SUGCT: variants seen among roughly 807,000 people sequenced by gnomAD.
SUGCT encodes succinyl-CoA:glutarate-CoA transferase, also known as succinyl-CoA:glutarate CoA-transferase.
SUGCT carries 41 observed loss-of-function variants against 55.0 expected under a neutral mutation model. The observed-to-expected ratio is 0.74, with a 90% confidence interval of 0.58 to 0.97. The LOEUF (loss-of-function observed/expected upper bound fraction) is 0.97. SUGCT is among the 50% of genes least tolerant of loss of function. SUGCT has a pLI of 0.00. For missense variants in SUGCT, 568 were observed against 547.8 expected, an observed-to-expected ratio of 1.04 and a Z score of -0.37; for synonymous variants, 187 against 200.4, an observed-to-expected ratio of 0.93 and a Z score of 0.56.
intron 13 of SUGCT, among the ~76,000 whole-genome samples, chr7:40,764,059 A>G (rs1432353508): frequency 2.0e-5 from 3 of 152,162 alleles, no homozygotes; most frequent in Non-Finnish European, 4.4e-5. Context: ...AATAGGCTCA[A>G]TTAGAAAGTG....
intron 11 of SUGCT, among the ~76,000 whole-genome samples, chr7:40,465,719 C>A (rs1048537651): frequency 6.6e-6 from 1 of 151,980 alleles, no homozygotes; most frequent in South Asian, 2.1e-4. Context: ...AGAATTGGAC[C>A]TGGAACATTT....
the SUGCT span, among the ~76,000 whole-genome samples, chr7:41,011,545 C>A: frequency 8.5e-5 from 13 of 152,196 alleles, no homozygotes; most frequent in Non-Finnish European, 1.8e-4. Context: ...AGACCATACC[C>A]CAGACTTACT....
chr7:40,493,338 G>A (rs1562815595), intron 11 of SUGCT, among the ~76,000 whole-genome samples: 2 of 152,134 alleles, frequency 1.3e-5, no homozygotes, highest in South Asian at 2.1e-4. Flanking sequence ...CCAGCATTTC[G>A]TTGTCACTAA....
At chr7:40,229,243 G>A (rs2150852317) in intron 6 of SUGCT, among the ~76,000 whole-genome samples, 1 of 152,328 alleles carries the variant, frequency 6.6e-6, no homozygotes, top group South Asian at 2.1e-4. Flanking sequence ...TATGCGCTGG[G>A]TGCGGTGGCT....
intron 8 of SUGCT, among the ~76,000 whole-genome samples, chr7:40,302,286 C>A (rs1794584302): frequency 1.3e-5 from 2 of 152,130 alleles, no homozygotes; most frequent in South Asian, 2.1e-4. Context: ...TTTTTTGTCC[C>A]CTCCTTGGTT....
At chr7:40,464,964 T>A (rs1295851891) in intron 11 of SUGCT, among the ~76,000 whole-genome samples, 1 of 152,210 alleles carries the variant, frequency 6.6e-6, no homozygotes, top group Non-Finnish European at 1.5e-5. Flanking sequence ...GAGATGCAGT[T>A]GACAATTTTC....
intron 6 of SUGCT, among the ~76,000 whole-genome samples, chr7:40,235,416 C>T (rs1198082905): frequency 6.6e-6 from 1 of 152,184 alleles, no homozygotes; most frequent in African/African-American, 2.4e-5. Context: ...CAACCTCCAC[C>T]TCCTGGGTTC....
chr7:40,525,268 G>A (rs147655403), intron 12 of SUGCT, among the ~76,000 whole-genome samples: 52 of 152,254 alleles, frequency 3.4e-4, no homozygotes, highest in East Asian at 2.5e-3. Context: ...ATGAACATTC[G>A]TGACATGTTT....
At chr7:40,698,674 T>G (rs1341825152) in intron 12 of SUGCT, among the ~76,000 whole-genome samples, 1 of 152,234 alleles carries the variant, frequency 6.6e-6, no homozygotes, top group African/African-American at 2.4e-5. Context: ...TTGCTAAGAT[T>G]GGGCTTCGTA....
At chr7:40,933,206 T>G in the SUGCT span, among the ~76,000 whole-genome samples, 1 of 152,190 alleles carries the variant, frequency 6.6e-6, no homozygotes, top group Admixed American at 6.5e-5. Flanking sequence ...CTAGTTTCGC[T>G]GGATATGAAA....
intron 9 of SUGCT, among the ~76,000 whole-genome samples, chr7:40,373,723 A>C (rs1279661308): frequency 6.6e-6 from 1 of 152,088 alleles, no homozygotes; most frequent in Admixed American, 6.6e-5. Context: ...TGTATGATTG[A>C]CTAATTATGT....
At chr7:40,703,597 C>T (rs2128664619) in intron 12 of SUGCT, among the ~76,000 whole-genome samples, 1 of 152,234 alleles carries the variant, frequency 6.6e-6, no homozygotes, top group Non-Finnish European at 1.5e-5. Flanking sequence ...AATCACTTGC[C>T]CACATTCACA....
chr7:40,189,517 T>TAC, intron 4 of SUGCT, 27 bp from the exon 5 acceptor site: 1 of 830,448 alleles, frequency 1.2e-6, no homozygotes, highest in Non-Finnish European at 1.6e-6. Context: ...CGAAATAATA[T>TAC]ATATATATAT....
chr7:40,953,881 T>A, the SUGCT span, among the ~76,000 whole-genome samples: 2 of 152,352 alleles, frequency 1.3e-5, no homozygotes, highest in African/African-American at 4.8e-5. Flanking sequence ...TGCCTCCCAG[T>A]TAGGCTACTC....
chr7:40,949,503 C>G, the SUGCT span, among the ~76,000 whole-genome samples: 2 of 151,806 alleles, frequency 1.3e-5, no homozygotes, highest in African/African-American at 4.8e-5. Context: ...CCATTGCTTT[C>G]GGTGTTTTAG....
intron 11 of SUGCT, among the ~76,000 whole-genome samples, chr7:40,476,857 G>A (rs1416941857): frequency 6.6e-6 from 1 of 151,524 alleles, no homozygotes; most frequent in East Asian, 1.9e-4. Context: ...GAGTGCAATG[G>A]CACAATCTTG....
chr7:40,648,267 G>A (rs556253095), intron 12 of SUGCT, among the ~76,000 whole-genome samples: 3 of 151,950 alleles, frequency 2.0e-5, no homozygotes, highest in South Asian at 2.1e-4. Context: ...GCATATTTAA[G>A]CATCTATTTA....
intron 13 of SUGCT, among the ~76,000 whole-genome samples, chr7:40,806,666 A>G (rs1217286769): frequency 6.6e-6 from 1 of 152,186 alleles, no homozygotes; most frequent in African/African-American, 2.4e-5. Context: ...ATTTGTATTC[A>G]GAGTGACTCT....
intron 9 of SUGCT, among the ~76,000 whole-genome samples, chr7:40,372,607 C>T (rs528874129): frequency 1.3e-5 from 2 of 152,046 alleles, no homozygotes; most frequent in Middle Eastern, 3.4e-3. Context: ...AACTGAAAAA[C>T]ACCATCCCAA....
Sources: allele counts gnomAD v4.1 joint callset (sites outside exome capture counted in the v4.1 genomes callset), GRCh38; gene constraint gnomAD v4.1.1; transcripts MANE v1.5; gene names NCBI Gene and HGNC (gene_info 2026-07-23, HGNC 2026-07-21).